PLPPR5: variants seen among roughly 807,000 people sequenced by gnomAD.
PLPPR5 encodes the protein phospholipid phosphatase-related protein type 5.
A neutral mutation model predicts 33.9 loss-of-function variants in PLPPR5; 16 were observed. The ratio of observed to expected loss-of-function variants is 0.47; its 90% CI spans 0.32 to 0.72. PLPPR5 has a LOEUF of 0.72. Ranked by LOEUF, PLPPR5 falls within the 30% of genes least tolerant of loss-of-function variation. PLPPR5 has a pLI of 0.03. For synonymous variants in PLPPR5, 163 were observed against 150.3 expected (o/e 1.08, Z -0.62); for missense variants, 301 against 406.7 (o/e 0.74, Z 2.23).
In PLPPR5 at chr1:99,004,617, T is replaced by G; in HGVS notation, c.55A>C (p.Ile19Leu). ...GCCAGCATCACCGTCCCTGCCATGA[T>G]CACCATCTGGAAATAGAGCATGCTG... ...TSSMLYFQMVIMAGTVMLAYY... is the reference protein window; with the variant it reads ...TSSMLYFQMVLMAGTVMLAYY... Residue 19 changes from isoleucine to leucine, a missense_variant, in exon 1 of 6, where the codon ATC becomes CTC. By Grantham distance (5) the Ile-to-Leu change is conservative. Transcript: ENST00000263177. 3 of 1,612,972 alleles carry G rather than the reference T, an allele frequency of 1.9e-6. No individual in the cohort carries two copies. Among genetic ancestry groups the G allele is most frequent in the Non-Finnish European group, 2.5e-6 (3 of 1,179,760 alleles).
At chr1:98,952,940 A>T (rs577854028) in intron 3 of PLPPR5, 130 bp downstream of exon 3, 1 of 1,115,862 alleles carries the variant, frequency 9.0e-7, no homozygotes, top group African/African-American at 1.6e-5. Flanking sequence ...TTAAAAATAG[A>T]TTAAATGGCC....
intron 1 of PLPPR5, among the ~76,000 whole-genome samples, chr1:98,964,973 A>ATT (rs566402306): frequency 0.069 from 8,428 of 121,352 alleles, 385 homozygotes; most frequent in East Asian, 0.25. Context: ...TTAATTTTTG[A>ATT]TTTTTTTTTT....
rs1648333498 is a variant in PLPPR5 at position 98,893,038 on chromosome 1, T to A, written c.*34A>T. On this transcript the variant is annotated 3_prime_UTR_variant, in exon 6 of 6. Coordinates refer to ENST00000263177, the MANE Select transcript of PLPPR5 (RefSeq NM_001037317.2). Reference sequence around the variant, plus strand: ...ATGAATGGATGGTAAAAAGGGATGATGTCCAATGCAGTGAAAAACCATCTG... The same window carrying A: ...ATGAATGGATGGTAAAAAGGGATGAAGTCCAATGCAGTGAAAAACCATCTG... The A allele has an allele frequency of 2.5e-6, 4 of 1,604,644 alleles. No homozygotes were observed. The East Asian group carries it at 9.0e-5, about 36-fold the overall frequency.
chr1:98,900,619 T>A (rs1053983066), intron 5 of PLPPR5, among the ~76,000 whole-genome samples: 9 of 152,186 alleles, frequency 5.9e-5, no homozygotes, highest in Middle Eastern at 3.2e-3. Context: ...TACTAATACT[T>A]TAACCTATAA....
chr1:98,953,470 T>G (rs1570728808), intron 2 of PLPPR5, 150 bp from the exon 3 acceptor site: 1 of 1,235,348 alleles, frequency 8.1e-7, no homozygotes, highest in East Asian at 2.6e-5. Flanking sequence ...ACATAGTTCC[T>G]TTTATTTCAT....
intron 1 of PLPPR5, among the ~76,000 whole-genome samples, chr1:98,979,916 G>T (rs898748167): frequency 2.6e-5 from 4 of 151,896 alleles, no homozygotes; most frequent in Non-Finnish European, 5.9e-5. Context: ...CCTCATATCC[G>T]TAACTCTGGC....
At chr1:98,905,578 A>T (rs1648864000) in intron 5 of PLPPR5, among the ~76,000 whole-genome samples, 1 of 152,102 alleles carries the variant, frequency 6.6e-6, no homozygotes, top group Non-Finnish European at 1.5e-5. Context: ...TGCTGGTATT[A>T]TCTAGAATTT....
chr1:98,903,536 C>T (rs1648778912), intron 5 of PLPPR5, among the ~76,000 whole-genome samples: 1 of 152,006 alleles, frequency 6.6e-6, no homozygotes, highest in African/African-American at 2.4e-5. Context: ...ACATTTTATA[C>T]TACAGTATTT....
At chr1:98,987,089 G>A (rs999350256) in intron 1 of PLPPR5, among the ~76,000 whole-genome samples, 1 of 151,716 alleles carries the variant, frequency 6.6e-6, no homozygotes, top group Non-Finnish European at 1.5e-5. Context: ...TTACTTTACA[G>A]TGATATGTAA....
At chr1:98,941,314 A>G (rs949919882) in intron 3 of PLPPR5, among the ~76,000 whole-genome samples, 14 of 151,914 alleles carry the variant, frequency 9.2e-5, no homozygotes, top group Admixed American at 7.2e-4. Context: ...GCTACTGAGA[A>G]GGCCAGCAAG....
intron 5 of PLPPR5, among the ~76,000 whole-genome samples, chr1:98,895,096 A>G (rs1648420414): frequency 6.6e-6 from 1 of 152,080 alleles, no homozygotes; most frequent in African/African-American, 2.4e-5. Flanking sequence ...TAATGTGTCC[A>G]CTAAAATGCA....
chr1:98,908,885 G>A (rs1649009340), intron 5 of PLPPR5, among the ~76,000 whole-genome samples: 1 of 152,138 alleles, frequency 6.6e-6, no homozygotes, highest in Non-Finnish European at 1.5e-5. Context: ...ATTACCCTGG[G>A]GGAGTTTTTC....
chr1:98,977,114 T>C (rs560921070), intron 1 of PLPPR5, among the ~76,000 whole-genome samples: 3 of 152,188 alleles, frequency 2.0e-5, no homozygotes, highest in Non-Finnish European at 4.4e-5. Flanking sequence ...TCATCTTGTT[T>C]CTTTATTCCA....
intron 1 of PLPPR5, among the ~76,000 whole-genome samples, chr1:98,968,155 A>G (rs6682657): frequency 1.1e-3 from 161 of 152,250 alleles, no homozygotes; most frequent in African/African-American, 3.6e-3. Flanking sequence ...CAAACCACTC[A>G]CATAAAGGTA....
chr1:98,981,301 T>C (rs1652056329), intron 1 of PLPPR5, among the ~76,000 whole-genome samples: 1 of 152,070 alleles, frequency 6.6e-6, no homozygotes, highest in African/African-American at 2.4e-5. Context: ...TTGTAATACA[T>C]TTTTGACTCA....
chr1:98,926,506 C>A (rs1231146519), intron 3 of PLPPR5, among the ~76,000 whole-genome samples: 1 of 143,238 alleles, frequency 7.0e-6, no homozygotes, highest in East Asian at 2.1e-4. Context: ...GTTTTAATAA[C>A]TTCATAGCAT....
intron 3 of PLPPR5, among the ~76,000 whole-genome samples, chr1:98,923,870 C>T (rs1649660510): frequency 6.6e-6 from 1 of 152,232 alleles, no homozygotes; most frequent in South Asian, 2.1e-4. Context: ...ACATGAATAA[C>T]AAGGCCAGGC....
rs1648333498 is a variant in PLPPR5 at position 98,893,038 on chromosome 1, T to C, written c.*34A>G. On this transcript the variant is annotated 3_prime_UTR_variant, in exon 6 of 6. Transcript: ENST00000263177. ...ATGAATGGATGGTAAAAAGGGATGA[T>C]GTCCAATGCAGTGAAAAACCATCTG... The C allele has an allele frequency of 6.2e-6, 10 of 1,604,644 alleles. No individual in the cohort carries two copies. The East Asian group carries it at 2.2e-4, about 36-fold the overall frequency.
In PLPPR5 at chr1:98,942,197, G is replaced by A. The variant is rs543052825; in HGVS notation, c.621+10873C>T. Among the ~76,000 whole-genome samples, 17 of 152,026 alleles carry A rather than the reference G, an allele frequency of 1.1e-4. No individual in the cohort carries two copies. The South Asian group carries it at 3.1e-3, about 28-fold the overall frequency. On this transcript the variant is annotated intron_variant, in intron 3 of 5. Coordinates refer to ENST00000263177, the MANE Select transcript of PLPPR5 (RefSeq NM_001037317.2). ...AGCGATTCTCCGGCCTCAGCCTCCC[G>A]AATAGCTAGAATTACAGACATGCAC... is the stretch of plus-strand genomic sequence containing the variant.
Sources: allele counts gnomAD v4.1 joint callset (sites outside exome capture counted in the v4.1 genomes callset), GRCh38; gene constraint gnomAD v4.1.1; transcripts MANE v1.5; gene names NCBI Gene and HGNC (gene_info 2026-07-23, HGNC 2026-07-21).